KANSL1L: variants seen among roughly 807,000 people sequenced by gnomAD.
KANSL1L encodes the protein KAT8 regulatory NSL complex subunit 1 like, also known as KAT8 regulatory NSL complex subunit 1-like protein.
In KANSL1L, 25 loss-of-function variants were observed where a neutral mutation model predicts 108.6. That is an observed-to-expected ratio of 0.23 (90% CI 0.17 to 0.32). The LOEUF (loss-of-function observed/expected upper bound fraction) is 0.32. KANSL1L is among the 10% of genes least tolerant of loss of function. KANSL1L has a pLI of 1.00. For synonymous variants in KANSL1L, 405 were observed against 395.1 expected, an observed-to-expected ratio of 1.03 and a Z score of -0.30; for missense variants, 1,137 against 1,125.7, an observed-to-expected ratio of 1.01 and a Z score of -0.14.
At chr2:210,057,482 A>G (rs1213284358) in intron 6 of KANSL1L, among the ~76,000 whole-genome samples, 1 of 152,150 alleles carries the variant, frequency 6.6e-6, no homozygotes, top group Non-Finnish European at 1.5e-5. Context: ...CAGGCAGATC[A>G]TGAGGTCAGG....
intron 2 of KANSL1L, among the ~76,000 whole-genome samples, chr2:210,139,867 G>A (rs1377076369): frequency 7.5e-6 from 1 of 132,724 alleles, no homozygotes; most frequent in Non-Finnish European, 1.6e-5. Flanking sequence ...TCAGTCTCCT[G>A]AGTGGCTGGA....
intron 2 of KANSL1L, among the ~76,000 whole-genome samples, chr2:210,141,312 C>G (rs1289062545): frequency 6.6e-6 from 1 of 152,018 alleles, no homozygotes; most frequent in African/African-American, 2.4e-5. Flanking sequence ...GTGGTATCAT[C>G]TGAACACTGT....
chr2:210,038,122 T>A (rs745864141), intron 8 of KANSL1L, among the ~76,000 whole-genome samples: 5 of 152,108 alleles, frequency 3.3e-5, no homozygotes, highest in Admixed American at 3.3e-4. Flanking sequence ...TTTAACCATA[T>A]CCCTATTATG....
chr2:210,128,407 C>A (rs1055225596), intron 3 of KANSL1L, among the ~76,000 whole-genome samples: 2 of 152,098 alleles, frequency 1.3e-5, no homozygotes, highest in Admixed American at 1.3e-4. Flanking sequence ...TATATACATA[C>A]AATAAATTAT....
chr2:210,027,476 ATACT>A, intron 11 of KANSL1L, 126 bp from the exon 12 acceptor site: 4 of 632,184 alleles, frequency 6.3e-6, no homozygotes, highest in Admixed American at 2.8e-5. Context: ...TTGTATTTTA[ATACT>A]TAATTTTTTA....
At chr2:210,165,900 CAAG>C (rs1687930369) in intron 1 of KANSL1L, among the ~76,000 whole-genome samples, 1 of 152,132 alleles carries the variant, frequency 6.6e-6, no homozygotes, top group Non-Finnish European at 1.5e-5. Context: ...TGAGAGCGAG[CAAG>C]AAGAGCACAT....
intron 5 of KANSL1L, among the ~76,000 whole-genome samples, chr2:210,086,428 A>G (rs957405666): frequency 1.3e-5 from 2 of 151,890 alleles, no homozygotes; most frequent in Non-Finnish European, 2.9e-5. Flanking sequence ...TGAAGACTCA[A>G]TCTTCTTAGT....
chr2:210,024,256 A>AATAACCTTGGG, intron 13 of KANSL1L, 55 bp from the exon 14 acceptor site: 1 of 1,393,376 alleles, frequency 7.2e-7, no homozygotes, highest in African/African-American at 1.5e-5. Context: ...GGTCTTGAAA[A>AATAACCTTGGG]TTTATGAACA....
chr2:210,063,363 C>G (rs567599852), intron 6 of KANSL1L, among the ~76,000 whole-genome samples: 4 of 152,202 alleles, frequency 2.6e-5, no homozygotes, highest in African/African-American at 9.7e-5. Context: ...GTCAGAGCCC[C>G]CACAAACAGC....
chr2:210,094,952 A>G (rs978173263), intron 5 of KANSL1L, among the ~76,000 whole-genome samples: 1 of 151,940 alleles, frequency 6.6e-6, no homozygotes, highest in African/African-American at 2.4e-5. Flanking sequence ...AAAAGGAAAA[A>G]TGTTTTACTT....
At chr2:210,113,388 G>A (rs2094926888) in intron 3 of KANSL1L, among the ~76,000 whole-genome samples, 1 of 151,872 alleles carries the variant, frequency 6.6e-6, no homozygotes, top group Non-Finnish European at 1.5e-5. Flanking sequence ...GCTTATTCTT[G>A]CCACACCGAC....
chr2:210,079,708 A>ATATGTATGTGTG (rs2094574655), intron 5 of KANSL1L: 1 of 132,406 alleles, frequency 7.6e-6, no homozygotes, highest in African/African-American at 3.0e-5. Flanking sequence ...GTGTATATAT[A>ATATGTATGTGTG]TATATATATA....
intron 7 of KANSL1L, among the ~76,000 whole-genome samples, chr2:210,041,368 G>T (rs1202462803): frequency 6.6e-6 from 1 of 152,116 alleles, no homozygotes; most frequent in African/African-American, 2.4e-5. Flanking sequence ...CTGAAAGAAG[G>T]TACTTTAAGG....
At position 210,023,163 on chromosome 2, in the gene KANSL1L, C is replaced by T. The variant is rs752452487; in HGVS notation, c.2750G>A (p.Arg917Gln). 2.5e-5 allele frequency: 41 copies of T among 1,613,730 alleles called. No individual in the cohort carries two copies. The highest frequency in any genetic ancestry group is 3.1e-5 in the Non-Finnish European group (37 of 1,179,860). ...TTCACCCTTCAGTGGAAAAGCCCGT[C>T]GTTCCCACCACAAAGACTGAAAGGG... ...SQETKSLWWE[R>Q]RAFPLKGEDM... The change falls in exon 15 of 15, where the codon CGA (arginine) becomes CAA (glutamine). Residue 917 changes from arginine (R) to glutamine (Q), a missense_variant. Arg to Gln is a conservative substitution (Grantham distance 43). Around this residue, in one of 3 missense-constraint regions of KANSL1L, gnomAD observed 575 missense variants for 567.1 expected, o/e 1.01. Transcript: ENST00000281772.
At chr2:210,124,983 G>A (rs1378443932) in intron 3 of KANSL1L, among the ~76,000 whole-genome samples, 1 of 152,098 alleles carries the variant, frequency 6.6e-6, no homozygotes, top group Non-Finnish European at 1.5e-5. Context: ...GCTGGGTGTG[G>A]TGGCTCACAT....
In KANSL1L at chr2:210,043,980, T is replaced by G; in HGVS notation, c.1880A>C (p.Glu627Ala). The G allele has an allele frequency of 6.2e-7, 1 of 1,604,766 alleles. No homozygotes were observed. Among genetic ancestry groups the G allele is most frequent in the Non-Finnish European group, 8.5e-7 (1 of 1,175,514 alleles). Residue 627 changes from glutamate (E) to alanine (A), a missense_variant, in exon 7 of 15, where the codon GAG (glutamate) becomes GCG (alanine). By Grantham distance (107) the Glu-to-Ala change is moderately radical. Transcript: ENST00000281772. ...ESYLLREHVS[E>A]LDSSFHSVLS... Reference sequence around the variant, plus strand: ...AACAGAATGGAAAGAGGAATCTAACTCTGATACATGTTCTCTTAATAGGTA... The same window carrying G: ...AACAGAATGGAAAGAGGAATCTAACGCTGATACATGTTCTCTTAATAGGTA...
At chr2:210,128,002 C>T (rs964175794) in intron 3 of KANSL1L, among the ~76,000 whole-genome samples, 1 of 151,932 alleles carries the variant, frequency 6.6e-6, no homozygotes, top group South Asian at 2.1e-4. Context: ...AAGCCAGTAG[C>T]ACATGAAATG....
At chr2:210,162,796 G>A (rs974219061) in intron 1 of KANSL1L, among the ~76,000 whole-genome samples, 1 of 152,098 alleles carries the variant, frequency 6.6e-6, no homozygotes, top group Admixed American at 6.5e-5. Flanking sequence ...GTATAACATG[G>A]TCAGTTCTGT....
At chr2:210,150,594 C>T (rs1324211498) in intron 2 of KANSL1L, among the ~76,000 whole-genome samples, 1 of 151,810 alleles carries the variant, frequency 6.6e-6, no homozygotes, top group Non-Finnish European at 1.5e-5. Context: ...ACCAGCTTGA[C>T]CAACATGGAG....
Sources: gnomAD v4.1 joint callset for allele counts (sites outside exome capture counted in the v4.1 genomes callset) on GRCh38, gnomAD v4.1.1 for gene constraint, gnomAD v4.1.1 regional missense constraint, MANE v1.5 for transcripts, NCBI Gene and HGNC (gene_info 2026-07-23, HGNC 2026-07-21) for gene names.